The following ASCC1 variants were observed in gnomAD, a reference collection of about 807,000 sequenced individuals.
ASCC1 encodes the protein ASC-1 complex subunit P50.
ASCC1 carries 35 observed loss-of-function variants against 46.6 expected under a neutral mutation model. That is an observed-to-expected ratio of 0.75 (90% CI 0.57 to 0.99). The LOEUF (loss-of-function observed/expected upper bound fraction) is 0.99, where lower values mean the gene tolerates loss of function less well. Among genes scored for constraint, ASCC1 ranks in the 50% least tolerant of loss-of-function variants. ASCC1 has a pLI of 0.00. For synonymous variants in ASCC1, 143 were observed against 146.6 expected (o/e 0.98, Z 0.18); for missense variants, 376 against 428.7 (o/e 0.88, Z 1.09).
At chr10:72,132,987 C>A in intron 8 of ASCC1, 70 bp downstream of exon 8, 1 of 1,601,236 alleles carries the variant, frequency 6.2e-7, no homozygotes, top group East Asian at 2.2e-5. Flanking sequence ...ATAGCTCATT[C>A]TACCTAAACC....
At position 72,197,365 on chromosome 10, in the gene ASCC1, A is replaced by C. The variant is rs571853678; in HGVS notation, c.311-376T>G. On this transcript the variant is annotated intron_variant, in intron 4 of 9. Coordinates refer to ENST00000672957, the MANE Select transcript of ASCC1 (RefSeq NM_001198800.3). ...GGCGCCTGTAGTCCCAGCTACTCGG[A>C]AGGCTAAGGCACGGATGGAGGGAAC... 2.7e-5 allele frequency among the ~76,000 whole-genome samples: 4 copies of C among 149,828 alleles called. No individual in the cohort carries two copies. The East Asian group carries it at 8.0e-4, about 30-fold the overall frequency.
chr10:72,210,679 C>T (rs1268769655), intron 3 of ASCC1, 53 bp downstream of exon 3: 9 of 1,491,438 alleles, frequency 6.0e-6, no homozygotes, highest in Admixed American at 1.7e-5. Context: ...GTCCACTTCC[C>T]GCTGAGTTTC....
chr10:72,098,751 A>G (rs1015224728), intron 9 of ASCC1, among the ~76,000 whole-genome samples: 1 of 152,350 alleles, frequency 6.6e-6, no homozygotes, highest in Middle Eastern at 3.4e-3. Flanking sequence ...CATGACATCA[A>G]CTTGACCCCA....
chr10:72,160,369 TTC>T (rs1849499623), intron 6 of ASCC1, among the ~76,000 whole-genome samples: 1 of 152,220 alleles, frequency 6.6e-6, no homozygotes, highest in Non-Finnish European at 1.5e-5. Context: ...GCTTTCACAT[TTC>T]TCTCTTTTGT....
At position 72,096,800 on chromosome 10, in the gene ASCC1, A is replaced by G; in HGVS notation, c.*534T>C. ...TGAGGACATTATGCTAAGTGAAATA[A>G]GCCAGTCACAAAAAGACAAGTCACT... On this transcript the variant is annotated 3_prime_UTR_variant, in exon 10 of 10. Coordinates refer to ENST00000672957, the MANE Select transcript of ASCC1 (RefSeq NM_001198800.3). 1 of 454,166 alleles carries G rather than the reference A, an allele frequency of 2.2e-6. No homozygotes were observed. The highest frequency in any genetic ancestry group is 1.6e-5 in the South Asian group (1 of 64,482). The allele number at this position is 454,166 out of a possible 1,614,324, so 28.1% of individuals were successfully genotyped here.
At chr10:72,186,542 G>A (rs1853475100) in intron 5 of ASCC1, among the ~76,000 whole-genome samples, 1 of 152,160 alleles carries the variant, frequency 6.6e-6, no homozygotes, top group African/African-American at 2.4e-5. Flanking sequence ...TCTTGTAGAA[G>A]AGAACTCACA....
At chr10:72,167,384 A>G (rs551952348) in intron 5 of ASCC1, among the ~76,000 whole-genome samples, 3 of 152,362 alleles carry the variant, frequency 2.0e-5, no homozygotes, top group South Asian at 4.1e-4. Flanking sequence ...TTCTATCTAC[A>G]TGAAATGTCC....
At chr10:72,190,164 T>C (rs1688838128) in intron 5 of ASCC1, 10 of 763,006 alleles carry the variant, frequency 1.3e-5, no homozygotes, top group Non-Finnish European at 2.4e-5. Flanking sequence ...AAACACCCAG[T>C]TCCTAAGGGT....
chr10:72,165,137 G>A (rs7896672), intron 5 of ASCC1, among the ~76,000 whole-genome samples: 13 of 150,954 alleles, frequency 8.6e-5, no homozygotes, highest in African/African-American at 2.7e-4. Flanking sequence ...TTTTTGAGAC[G>A]GAGTTTCGCT....
chr10:72,176,790 A>G (rs1589473559), intron 5 of ASCC1, among the ~76,000 whole-genome samples: 1 of 145,092 alleles, frequency 6.9e-6, no homozygotes, highest in East Asian at 1.9e-4. Flanking sequence ...CAGCCTTAAC[A>G]AATTCCTCAC....
At chr10:72,116,146 T>A (rs1463009007) in intron 9 of ASCC1, among the ~76,000 whole-genome samples, 1 of 152,232 alleles carries the variant, frequency 6.6e-6, no homozygotes, top group Non-Finnish European at 1.5e-5. Flanking sequence ...TCTTTCTTCA[T>A]AAAATTTTTT....
intron 5 of ASCC1, among the ~76,000 whole-genome samples, chr10:72,194,526 T>C (rs1431245940): frequency 1.3e-5 from 2 of 151,956 alleles, no homozygotes; most frequent in African/African-American, 4.8e-5. Context: ...CCACATATAC[T>C]GTTTTTTCAC....
chr10:72,111,753 TG>T (rs1842943580), intron 9 of ASCC1, among the ~76,000 whole-genome samples: 1 of 152,130 alleles, frequency 6.6e-6, no homozygotes, highest in African/African-American at 2.4e-5. Flanking sequence ...GCCATTCTCC[TG>T]CCTCAGCCTC....
chr10:72,121,930 A>C (rs868352637), intron 9 of ASCC1, among the ~76,000 whole-genome samples: 6 of 152,362 alleles, frequency 3.9e-5, no homozygotes, highest in African/African-American at 1.4e-4. Flanking sequence ...TATTTTATCC[A>C]ACAACAGCAG....
At position 72,161,653 on chromosome 10, in the gene ASCC1, T is replaced by C. The variant is rs759567384; in HGVS notation, c.511A>G (p.Ile171Val). 2 of 1,614,138 alleles carry C rather than the reference T, an allele frequency of 1.2e-6. No individual in the cohort carries two copies. The highest frequency in any genetic ancestry group is 1.1e-5 in the South Asian group (1 of 91,082). The change falls in exon 6 of 10, where the codon ATT becomes GTT. Residue 171 changes from isoleucine to valine, a missense_variant. Physicochemically the swap from Ile to Val is conservative, Grantham distance 29 (BLOSUM62 3). Coordinates refer to ENST00000672957, the MANE Select transcript of ASCC1 (RefSeq NM_001198800.3). ...CSMDHGVDSS[I>V]FQNPKKLHLT... is the part of the protein sequence containing the mutation. ...TGAAGCTTTTTAGGATTCTGGAAAATGCTGCTGTCAACCCCATGATCCTGT... is the reference window on the plus strand; with the variant it reads ...TGAAGCTTTTTAGGATTCTGGAAAACGCTGCTGTCAACCCCATGATCCTGT...
rs563437185 is a variant in ASCC1, at chr10:72,136,388, C to T, written c.747-3207G>A. 3.1e-3 allele frequency among the ~76,000 whole-genome samples: 474 copies of T among 151,764 alleles called. 2 individuals carry two copies. Among genetic ancestry groups the T allele is most frequent in the African/African-American group, 0.011 (446 of 41,350 alleles). ...CTGTGTCTAGCTAAAGGATTGTAAA[C>T]GCACCAATCAGCACTCTGTGAAAAC... On this transcript the variant is annotated intron_variant, in intron 7 of 9. Transcript: ENST00000672957.
chr10:72,159,330 C>T (rs1360473276), intron 6 of ASCC1: 1 of 152,170 alleles, frequency 6.6e-6, no homozygotes, highest in Non-Finnish European at 1.5e-5. Context: ...GGCATTTAGT[C>T]ACAAAAGGCA....
At chr10:72,127,766 G>A (rs1352905686) in intron 9 of ASCC1, among the ~76,000 whole-genome samples, 2 of 151,176 alleles carry the variant, frequency 1.3e-5, no homozygotes, top group Non-Finnish European at 2.9e-5. Flanking sequence ...AGAGGTGGCA[G>A]GACCACTTGA....
chr10:72,189,951 A>C (rs943794966), intron 5 of ASCC1: 42 of 743,696 alleles, frequency 5.6e-5, no homozygotes, highest in Non-Finnish European at 9.8e-5. Context: ...ACAAGTGCAC[A>C]CAAGTATATC....
Sources: allele counts gnomAD v4.1 joint callset (sites outside exome capture counted in the v4.1 genomes callset), GRCh38; gene constraint gnomAD v4.1.1; transcripts MANE v1.5; gene names NCBI Gene and HGNC (gene_info 2026-07-23, HGNC 2026-07-21).